The following NOX4 variants were observed in gnomAD, a reference collection of about 807,000 sequenced individuals.
NOX4 encodes kidney oxidase-1.
A neutral mutation model predicts 87.6 loss-of-function variants in NOX4; 69 were observed. The observed-to-expected ratio is 0.79, with a 90% CI of 0.65 to 0.96. The LOEUF is 0.96. NOX4 is among the 40% of genes least tolerant of loss of function. The pLI is 0.00. For missense variants in NOX4, 680 were observed against 681.5 expected (o/e 1.00, Z 0.02); for synonymous variants, 275 against 238.2 (o/e 1.15, Z -1.42).
chr11:89,556,454 C>T, the NOX4 span, among the ~76,000 whole-genome samples: 1 of 147,760 alleles, frequency 6.8e-6, no homozygotes, highest in East Asian at 2.0e-4. Flanking sequence ...ACCTGGGAGG[C>T]AGAGATTGCA....
intron 13 of NOX4, among the ~76,000 whole-genome samples, chr11:89,348,916 T>C (rs1946330473): frequency 6.6e-6 from 1 of 152,196 alleles, no homozygotes; most frequent in Non-Finnish European, 1.5e-5. Flanking sequence ...TATAGAGGAA[T>C]AGTAAGAATT....
chr11:89,458,238 T>C (rs1355055360), intron 2 of NOX4, among the ~76,000 whole-genome samples: 2 of 152,098 alleles, frequency 1.3e-5, no homozygotes, highest in Non-Finnish European at 2.9e-5. Flanking sequence ...TCTGGACCCC[T>C]TCCTTAAAGC....
intron 2 of NOX4, among the ~76,000 whole-genome samples, chr11:89,467,336 G>T (rs1368996845): frequency 1.0e-5 from 1 of 100,494 alleles, no homozygotes; most frequent in African/African-American, 4.2e-5. Context: ...GGGCGACAGA[G>T]CCAAACTCGT....
At chr11:89,535,996 T>C in the NOX4 span, among the ~76,000 whole-genome samples, 3 of 152,134 alleles carry the variant, frequency 2.0e-5, no homozygotes, top group Non-Finnish European at 4.4e-5. Context: ...CGGAAAACTT[T>C]ACTAACCGCT....
intron 9 of NOX4, among the ~76,000 whole-genome samples, chr11:89,401,904 C>G (rs1013203044): frequency 1.3e-5 from 2 of 151,814 alleles, no homozygotes; most frequent in Non-Finnish European, 2.9e-5. Context: ...ATTAAGCATT[C>G]AATAAATTGA....
intron 8 of NOX4, among the ~76,000 whole-genome samples, chr11:89,417,293 C>T (rs1337718793): frequency 6.6e-6 from 1 of 152,080 alleles, no homozygotes; most frequent in African/African-American, 2.4e-5. Flanking sequence ...TATGCATCTC[C>T]TTCTGAGTTT....
In NOX4 at chr11:89,355,807, C is replaced by A. The variant is rs530257177; in HGVS notation, c.1136-764G>T. Among the ~76,000 whole-genome samples, 3 of 152,146 alleles carry A rather than the reference C, an allele frequency of 2.0e-5. No individual in the cohort carries two copies. In the South Asian group the frequency reaches 6.2e-4, roughly 32 times the overall value. ...GGCCCAATATTTCCATTCTCAGGGA[C>A]ACACCCTGCAGAAACTTTCACATGT... On this transcript the variant is annotated intron_variant, in intron 12 of 17. Coordinates refer to ENST00000263317, the MANE Select transcript of NOX4 (RefSeq NM_016931.5).
At chr11:89,506,492 A>G in the NOX4 span, among the ~76,000 whole-genome samples, 3,153 of 151,870 alleles carry the variant, frequency 0.021, 101 homozygotes, top group African/African-American at 0.068. Flanking sequence ...CTAGAAATAA[A>G]TATAGGAGAA....
At chr11:89,368,523 A>G (rs1359936620) in intron 12 of NOX4, among the ~76,000 whole-genome samples, 1 of 152,120 alleles carries the variant, frequency 6.6e-6, no homozygotes, top group African/African-American at 2.4e-5. Context: ...ACAGAAGAGC[A>G]AAAGAGCAAA....
chr11:89,513,025 A>G, the NOX4 span, among the ~76,000 whole-genome samples: 1 of 152,036 alleles, frequency 6.6e-6, no homozygotes, highest in Non-Finnish European at 1.5e-5. Context: ...TGAAACTATA[A>G]TATTTTCACA....
At chr11:89,451,664 C>T in intron 3 of NOX4, 121 bp downstream of exon 3, 1 of 664,652 alleles carries the variant, frequency 1.5e-6, no homozygotes, top group Non-Finnish European at 2.7e-6. Flanking sequence ...TGTCTTTTAC[C>T]ATCATCTTAC....
chr11:89,336,197 G>T (rs1171635537), intron 16 of NOX4: 2 of 295,824 alleles, frequency 6.8e-6, no homozygotes, highest in Non-Finnish European at 1.2e-5. Flanking sequence ...CTGGTAAAAA[G>T]GTAGAAAAAT....
intron 12 of NOX4, among the ~76,000 whole-genome samples, chr11:89,370,890 AG>A (rs1939386119): frequency 6.6e-6 from 1 of 151,968 alleles, no homozygotes; most frequent in Non-Finnish European, 1.5e-5. Context: ...AGTCTTGGAG[AG>A]ATCATTTCTG....
At chr11:89,441,318 C>G (rs1321211011) in intron 5 of NOX4, among the ~76,000 whole-genome samples, 1 of 152,084 alleles carries the variant, frequency 6.6e-6, no homozygotes, top group Non-Finnish European at 1.5e-5. Context: ...AACTACATCT[C>G]TTATGCTCTA....
chr11:89,367,502 T>G (rs1341205299), intron 12 of NOX4, among the ~76,000 whole-genome samples: 1 of 152,158 alleles, frequency 6.6e-6, no homozygotes, highest in Non-Finnish European at 1.5e-5. Flanking sequence ...ATGATTTTTA[T>G]GAGGCTAACA....
chr11:89,403,835 G>T (rs1942017462), intron 8 of NOX4, among the ~76,000 whole-genome samples: 2 of 152,084 alleles, frequency 1.3e-5, no homozygotes, highest in Non-Finnish European at 2.9e-5. Flanking sequence ...ATATATGAAG[G>T]TTAGGAAAGC....
the NOX4 span, among the ~76,000 whole-genome samples, chr11:89,529,840 C>G: frequency 6.6e-6 from 1 of 152,022 alleles, no homozygotes; most frequent in African/African-American, 2.4e-5. Context: ...AAACTGGACA[C>G]AATGTACAAA....
chr11:89,579,806 C>A, the NOX4 span, among the ~76,000 whole-genome samples: 2 of 151,638 alleles, frequency 1.3e-5, no homozygotes, highest in Non-Finnish European at 2.9e-5. Flanking sequence ...AGAAATAAAA[C>A]CAATTAATTC....
chr11:89,570,917 C>T, the NOX4 span, among the ~76,000 whole-genome samples: 1 of 152,230 alleles, frequency 6.6e-6, no homozygotes, highest in South Asian at 2.1e-4. Context: ...GAGAATTAAT[C>T]TCTATCTTGA....
Sources: gnomAD v4.1 joint callset for allele counts (sites outside exome capture counted in the v4.1 genomes callset) on GRCh38, gnomAD v4.1.1 for gene constraint, MANE v1.5 for transcripts, NCBI Gene and HGNC (gene_info 2026-07-23, HGNC 2026-07-21) for gene names.